Variants in SNRNP40 observed in about 807,000 individuals in gnomAD.
SNRNP40 encodes U5 small nuclear ribonucleoprotein 40 kDa protein.
Under a neutral mutation model 45.8 loss-of-function variants are expected in SNRNP40, and 21 were observed. The observed-to-expected ratio is 0.46, with a 90% CI of 0.32 to 0.66. SNRNP40 has a LOEUF of 0.66. Among genes scored for constraint, SNRNP40 ranks in the 30% least tolerant of loss-of-function variants. The pLI is 0.03. For missense variants in SNRNP40, 344 were observed against 439.1 expected, an observed-to-expected ratio of 0.78 and a Z score of 1.94; for synonymous variants, 142 against 163.8, an observed-to-expected ratio of 0.87 and a Z score of 1.01.
intron 5 of SNRNP40, among the ~76,000 whole-genome samples, chr1:31,280,637 A>G (rs908225753): frequency 2.0e-5 from 3 of 152,170 alleles, no homozygotes; most frequent in African/African-American, 7.2e-5. Context: ...GCCAAGAGGA[A>G]AGGAAGACAG....
At chr1:31,286,340 CT>C (rs1242374693) in intron 4 of SNRNP40, among the ~76,000 whole-genome samples, 5 of 152,144 alleles carry the variant, frequency 3.3e-5, no homozygotes, top group African/African-American at 1.2e-4. Flanking sequence ...AATATATTCA[CT>C]TATTTGATTA....
At chr1:31,279,282 A>G (rs1438213407) in intron 5 of SNRNP40, among the ~76,000 whole-genome samples, 3 of 152,196 alleles carry the variant, frequency 2.0e-5, no homozygotes, top group African/African-American at 7.2e-5. Flanking sequence ...CATCAGTAGG[A>G]TTTATTTCAT....
chr1:31,263,032 C>T (rs1254272869), intron 8 of SNRNP40, among the ~76,000 whole-genome samples: 1 of 149,690 alleles, frequency 6.7e-6, no homozygotes, highest in Non-Finnish European at 1.5e-5. Context: ...TTTTTTCATG[C>T]TGTATAATAA....
intron 8 of SNRNP40, among the ~76,000 whole-genome samples, chr1:31,267,135 G>C (rs1645902433): frequency 6.6e-6 from 1 of 152,192 alleles, no homozygotes; most frequent in Non-Finnish European, 1.5e-5. Flanking sequence ...GGGAATGTGA[G>C]AGAGAACCTA....
At chr1:31,271,244 A>G in intron 6 of SNRNP40, 135 bp downstream of exon 6, 1 of 832,784 alleles carries the variant, frequency 1.2e-6, no homozygotes. Context: ...GAGATCTGAG[A>G]CTACAGTCCT....
chr1:31,260,232 G>A, intron 9 of SNRNP40, 111 bp from the exon 10 acceptor site: 1 of 673,112 alleles, frequency 1.5e-6, no homozygotes, highest in East Asian at 2.7e-5. Flanking sequence ...ATTGGACTTA[G>A]CTTAAATTCC....
At chr1:31,282,439 G>A (rs1264647984) in intron 4 of SNRNP40, 1 of 151,830 alleles carries the variant, frequency 6.6e-6, no homozygotes, top group East Asian at 1.9e-4. Context: ...GGGAATAAGA[G>A]CTTCGAAAAG....
At chr1:31,280,558 G>GTATT (rs146539682) in intron 5 of SNRNP40, among the ~76,000 whole-genome samples, 83,714 of 151,540 alleles carry the variant, frequency 0.55, 23,803 homozygotes, top group Non-Finnish European at 0.63. Flanking sequence ...AGAAAGTTGA[G>GTATT]TATCTGACAG....
chr1:31,292,477 G>A (rs1282309868), intron 2 of SNRNP40, among the ~76,000 whole-genome samples: 2 of 152,154 alleles, frequency 1.3e-5, no homozygotes, highest in Non-Finnish European at 2.9e-5. Flanking sequence ...CAGACGTTTG[G>A]CCACTAGTAA....
intron 6 of SNRNP40, chr1:31,269,528 C>A: frequency 1.8e-6 from 1 of 563,630 alleles, no homozygotes. Context: ...ATACTAATTT[C>A]AAAAAGATAT....
chr1:31,261,034 T>C (rs1289800438), intron 9 of SNRNP40: 2 of 1,281,834 alleles, frequency 1.6e-6, no homozygotes, highest in South Asian at 1.2e-5. Context: ...AGACTGACAT[T>C]GATACCCACA....
intron 6 of SNRNP40, 82 bp downstream of exon 6, chr1:31,271,297 C>T (rs144015334): frequency 2.9e-6 from 4 of 1,392,844 alleles, no homozygotes; most frequent in Non-Finnish European, 3.0e-6. Flanking sequence ...CATTACAACA[C>T]ATTCTAATCG....
chr1:31,288,892 C>T (rs1162633600), intron 4 of SNRNP40, among the ~76,000 whole-genome samples: 5 of 152,238 alleles, frequency 3.3e-5, no homozygotes, highest in Non-Finnish European at 5.9e-5. Context: ...CCATCACGCC[C>T]GGCTTATTTT....
rs186115033 is a variant in SNRNP40, at chr1:31,293,500, C to G, written c.142-152G>C. 1.1e-5 allele frequency: 8 copies of G among 722,562 alleles called. No individual in the cohort carries two copies. In the East Asian group the frequency reaches 2.0e-4, roughly 18 times the overall value. The allele number at this position is 722,562 out of a possible 1,614,324, so 44.8% of individuals were successfully genotyped here. On this transcript the variant is annotated intron_variant, in intron 1 of 9. Coordinates refer to ENST00000263694, the MANE Select transcript of SNRNP40 (RefSeq NM_004814.3). ...AATGGTAGCTCTTCTCATATGAATG[C>G]CTCCAACTTGACACTCTCTGAAACT...
intron 8 of SNRNP40, among the ~76,000 whole-genome samples, chr1:31,263,971 A>G (rs1409416504): frequency 6.6e-6 from 1 of 152,046 alleles, no homozygotes; most frequent in African/African-American, 2.4e-5. Flanking sequence ...AAGTCATTAA[A>G]GGGTAAAGTA....
At chr1:31,269,872 A>G (rs1645924867) in intron 6 of SNRNP40, among the ~76,000 whole-genome samples, 1 of 152,204 alleles carries the variant, frequency 6.6e-6, no homozygotes, top group Admixed American at 6.5e-5. Context: ...AAATGAAGAG[A>G]AAATTATCTG....
intron 5 of SNRNP40, among the ~76,000 whole-genome samples, chr1:31,280,530 T>G (rs1646008536): frequency 6.8e-6 from 1 of 146,132 alleles, no homozygotes; most frequent in African/African-American, 2.5e-5. Flanking sequence ...CAGTACAACT[T>G]CTAGGTAAGG....
chr1:31,275,230 T>C (rs1645966739), intron 5 of SNRNP40, among the ~76,000 whole-genome samples: 1 of 152,112 alleles, frequency 6.6e-6, no homozygotes, highest in South Asian at 2.1e-4. Flanking sequence ...GGGATGGAGG[T>C]GATGTCTACG....
chr1:31,265,301 T>C (rs1432410467), intron 8 of SNRNP40, among the ~76,000 whole-genome samples: 1 of 151,846 alleles, frequency 6.6e-6, no homozygotes, highest in African/African-American at 2.4e-5. Flanking sequence ...ATTTTTTAAA[T>C]ATTTTTTTTA....
Sources: allele counts gnomAD v4.1 joint callset (sites outside exome capture counted in the v4.1 genomes callset), GRCh38; gene constraint gnomAD v4.1.1; transcripts MANE v1.5; gene names NCBI Gene and HGNC (gene_info 2026-07-23, HGNC 2026-07-21).